Variants in TAFA2 observed in about 807,000 individuals in gnomAD.
The protein encoded by TAFA2 is chemokine-like protein TAFA-2.
TAFA2 carries 7 observed loss-of-function variants against 18.8 expected under a neutral mutation model. That is an observed-to-expected ratio of 0.37 (90% confidence interval 0.21 to 0.70). The LOEUF (loss-of-function observed/expected upper bound fraction) is 0.70. Ranked by LOEUF, TAFA2 falls within the 30% of genes least tolerant of loss-of-function variation. TAFA2 has a pLI of 0.53. For synonymous variants in TAFA2, 60 were observed against 54.2 expected (o/e 1.11, Z -0.47); for missense variants, 122 against 158.1 (o/e 0.77, Z 1.23).
intron 1 of TAFA2, among the ~76,000 whole-genome samples, chr12:62,215,954 GT>G (rs755622315): frequency 1.1e-4 from 17 of 152,038 alleles, no homozygotes; most frequent in Non-Finnish European, 1.9e-4. Flanking sequence ...AAAAGATGGG[GT>G]TTCTAGAGAC....
Position 61,932,387 on chromosome 12 carries a change from G to A in TAFA2, c.-1-64961C>T, listed in dbSNP as rs537884130. 9.2e-5 allele frequency among the ~76,000 whole-genome samples: 14 copies of A among 152,242 alleles called. No homozygotes were observed. The South Asian group carries it at 1.0e-3, about 11-fold the overall frequency. On this transcript the variant is annotated intron_variant, in intron 1 of 4. Coordinates refer to ENST00000416284, the MANE Select transcript of TAFA2 (RefSeq NM_178539.5). ...CCAAGACTGAGAAAAGAAATCACTC[G>A]AGAAGTGAAAAGTGAAAAGTGGAAG...
intron 1 of TAFA2, among the ~76,000 whole-genome samples, chr12:62,159,339 A>ATCAT (rs1224962628): frequency 3.9e-5 from 6 of 152,348 alleles, no homozygotes; most frequent in Admixed American, 2.0e-4. Flanking sequence ...TATTTGTGCT[A>ATCAT]TCATTACCAG....
intron 2 of TAFA2, among the ~76,000 whole-genome samples, chr12:61,816,147 T>C (rs1565643867): frequency 1.3e-5 from 2 of 151,274 alleles, no homozygotes; most frequent in African/African-American, 4.9e-5. Flanking sequence ...TCCCAATAGT[T>C]GTCTTTTCCT....
intron 2 of TAFA2, among the ~76,000 whole-genome samples, chr12:61,809,212 T>A: frequency 6.6e-6 from 1 of 151,534 alleles, no homozygotes; most frequent in East Asian, 1.9e-4. Flanking sequence ...ATCACAGCCT[T>A]AATACTCACT....
chr12:61,755,345 G>C (rs1869215568), intron 2 of TAFA2, among the ~76,000 whole-genome samples: 1 of 152,018 alleles, frequency 6.6e-6, no homozygotes, highest in African/African-American at 2.4e-5. Context: ...ATGCCTTTTT[G>C]TTCAATGCAT....
At chr12:61,787,119 C>T (rs1870771769) in intron 2 of TAFA2, among the ~76,000 whole-genome samples, 1 of 151,312 alleles carries the variant, frequency 6.6e-6, no homozygotes, top group Admixed American at 6.6e-5. Context: ...AAGAAACCAA[C>T]TATAAACCTT....
At chr12:61,950,296 G>A (rs968185110) in intron 1 of TAFA2, among the ~76,000 whole-genome samples, 3 of 152,042 alleles carry the variant, frequency 2.0e-5, no homozygotes, top group Non-Finnish European at 2.9e-5. Flanking sequence ...CAAAATTGCT[G>A]GATAATATGT....
At chr12:62,015,572 T>C (rs1158132483) in intron 1 of TAFA2, among the ~76,000 whole-genome samples, 4 of 152,214 alleles carry the variant, frequency 2.6e-5, no homozygotes, top group Non-Finnish European at 5.9e-5. Flanking sequence ...GTGCAAACAA[T>C]GTACCAGACA....
chr12:62,021,617 C>T (rs1054008834), intron 1 of TAFA2: 16 of 1,103,266 alleles, frequency 1.5e-5, no homozygotes, highest in Admixed American at 6.8e-5. Flanking sequence ...GGCTTCCCAC[C>T]CTTCTGTTCT....
intron 1 of TAFA2, among the ~76,000 whole-genome samples, chr12:61,903,287 C>A (rs1876195203): frequency 6.6e-6 from 1 of 152,274 alleles, no homozygotes; most frequent in Middle Eastern, 3.4e-3. Context: ...TTCTCCCCCT[C>A]CCTCACTTCC....
chr12:62,182,594 T>C (rs2062559587), intron 1 of TAFA2, among the ~76,000 whole-genome samples: 1 of 152,186 alleles, frequency 6.6e-6, no homozygotes, highest in African/African-American at 2.4e-5. Context: ...CCTGGTAATT[T>C]GTGTACACAT....
At chr12:61,848,152 C>A (rs1296102186) in intron 2 of TAFA2, among the ~76,000 whole-genome samples, 1 of 152,174 alleles carries the variant, frequency 6.6e-6, no homozygotes, top group Non-Finnish European at 1.5e-5. Flanking sequence ...AATACTCCTA[C>A]AGATACACAT....
Position 62,168,172 on chromosome 12 carries a change from T to C in TAFA2, c.-2+23087A>G, listed in dbSNP as rs1320818727. 9.2e-5 allele frequency among the ~76,000 whole-genome samples: 14 copies of C among 152,168 alleles called. No homozygotes were observed. In the East Asian group the frequency reaches 9.6e-4, roughly 10 times the overall value. Reference sequence around the variant, plus strand: ...GCTGACAAGGAGAAATTTCTCTTTATAGAGATAGTCTCACCAATAAATAAA... The same window carrying C: ...GCTGACAAGGAGAAATTTCTCTTTACAGAGATAGTCTCACCAATAAATAAA... On this transcript the variant is annotated intron_variant, in intron 1 of 4. Transcript: ENST00000416284.
chr12:61,861,194 C>T (rs1380574273), intron 2 of TAFA2, among the ~76,000 whole-genome samples: 1 of 151,682 alleles, frequency 6.6e-6, no homozygotes, highest in Non-Finnish European at 1.5e-5. Flanking sequence ...TTAAGTGATC[C>T]ACCGGCTTCC....
intron 4 of TAFA2, among the ~76,000 whole-genome samples, chr12:61,734,746 C>T (rs1165244705): frequency 6.6e-6 from 1 of 151,834 alleles, no homozygotes; most frequent in East Asian, 1.9e-4. Flanking sequence ...ACTTGGGCAA[C>T]CTCTTTTTAT....
chr12:62,050,200 C>T (rs1243486865), intron 1 of TAFA2, among the ~76,000 whole-genome samples: 3 of 152,084 alleles, frequency 2.0e-5, no homozygotes, highest in Non-Finnish European at 4.4e-5. Flanking sequence ...CCATGCCCTC[C>T]GACCTTCCAG....
At chr12:62,043,497 A>G (rs1254350862) in intron 1 of TAFA2, among the ~76,000 whole-genome samples, 3 of 152,128 alleles carry the variant, frequency 2.0e-5, no homozygotes, top group African/African-American at 7.2e-5. Flanking sequence ...TAGCATTAGG[A>G]GATACACCTA....
intron 1 of TAFA2, among the ~76,000 whole-genome samples, chr12:61,967,549 C>G (rs1433060214): frequency 1.4e-4 from 21 of 151,818 alleles, no homozygotes; most frequent in Non-Finnish European, 2.8e-4. Flanking sequence ...TGCATTATAT[C>G]AAAATGCACT....
intron 1 of TAFA2, among the ~76,000 whole-genome samples, chr12:62,058,617 A>C: frequency 8.2e-6 from 1 of 121,934 alleles, no homozygotes; most frequent in African/African-American, 2.7e-5. Context: ...ATGTTTTCTC[A>C]CCTCCCCCCT....
Sources: gnomAD v4.1 joint callset for allele counts (sites outside exome capture counted in the v4.1 genomes callset) on GRCh38, gnomAD v4.1.1 for gene constraint, MANE v1.5 for transcripts, NCBI Gene and HGNC (gene_info 2026-07-23, HGNC 2026-07-21) for gene names.